PHACTR1: variants seen among roughly 807,000 people sequenced by gnomAD.
PHACTR1 encodes phosphatase and actin regulator 1.
In PHACTR1, 16 loss-of-function variants were observed where a neutral mutation model predicts 69.2. The ratio of observed to expected loss-of-function variants is 0.23; its 90% confidence interval spans 0.16 to 0.35. The LOEUF (loss-of-function observed/expected upper bound fraction) is 0.35, where lower values mean the gene tolerates loss of function less well. Among genes scored for constraint, PHACTR1 ranks in the 10% least tolerant of loss-of-function variants. The pLI is 1.00. For missense variants in PHACTR1, 510 were observed against 734.7 expected, an observed-to-expected ratio of 0.69 and a Z score of 3.54; for synonymous variants, 312 against 284.5, an observed-to-expected ratio of 1.10 and a Z score of -0.97.
chr6:12,899,620 T>C (rs770360252), intron 4 of PHACTR1, among the ~76,000 whole-genome samples: 3 of 152,216 alleles, frequency 2.0e-5, no homozygotes, highest in Non-Finnish European at 4.4e-5. Flanking sequence ...ACTGTGTGTT[T>C]GCCTGCACCC....
intron 4 of PHACTR1, among the ~76,000 whole-genome samples, chr6:12,961,187 G>T (rs1792673233): frequency 6.6e-6 from 1 of 152,008 alleles, no homozygotes; most frequent in Non-Finnish European, 1.5e-5. Flanking sequence ...AATAGTGTAG[G>T]GTGTCTTCTA....
At chr6:13,024,639 T>G (rs1801437111) in intron 4 of PHACTR1, among the ~76,000 whole-genome samples, 1 of 152,210 alleles carries the variant, frequency 6.6e-6, no homozygotes, top group Non-Finnish European at 1.5e-5. Flanking sequence ...AATGTGCTCA[T>G]ATCCAGAACA....
intron 3 of PHACTR1, among the ~76,000 whole-genome samples, chr6:12,747,483 C>T (rs954115775): frequency 5.3e-5 from 8 of 151,910 alleles, no homozygotes; most frequent in African/African-American, 1.9e-4. Context: ...GGACAACATA[C>T]TGAGACCGCA....
At chr6:13,123,045 G>A (rs183005686) in intron 5 of PHACTR1, among the ~76,000 whole-genome samples, 5 of 152,292 alleles carry the variant, frequency 3.3e-5, no homozygotes, top group African/African-American at 4.8e-5. Context: ...AATCAAGAAC[G>A]TAGCAAATTT....
intron 4 of PHACTR1, among the ~76,000 whole-genome samples, chr6:12,993,447 T>G (rs1348746177): frequency 4.6e-5 from 7 of 152,170 alleles, no homozygotes; most frequent in Non-Finnish European, 1.0e-4. Flanking sequence ...CTGAACTGAC[T>G]TTACTGTGGG....
intron 4 of PHACTR1, among the ~76,000 whole-genome samples, chr6:12,868,371 T>C (rs1781681169): frequency 6.6e-6 from 1 of 152,174 alleles, no homozygotes; most frequent in African/African-American, 2.4e-5. Context: ...TTTTTTCTTG[T>C]TGTTCATGAT....
At chr6:12,787,285 T>G (rs1323241213) in intron 4 of PHACTR1, among the ~76,000 whole-genome samples, 1 of 152,184 alleles carries the variant, frequency 6.6e-6, no homozygotes, top group Non-Finnish European at 1.5e-5. Flanking sequence ...TAGAGCCAAG[T>G]AGGTATGAGA....
chr6:12,876,861 T>G (rs1396743896), intron 4 of PHACTR1, among the ~76,000 whole-genome samples: 1 of 152,198 alleles, frequency 6.6e-6, no homozygotes, highest in Non-Finnish European at 1.5e-5. Flanking sequence ...GCTGGTGGCG[T>G]AATTCAGTCT....
chr6:13,253,222 A>G (rs1774734841), intron 10 of PHACTR1, among the ~76,000 whole-genome samples: 2 of 152,320 alleles, frequency 1.3e-5, no homozygotes, highest in African/African-American at 4.8e-5. Flanking sequence ...CATGTTCTGT[A>G]GCTCCTAGGA....
chr6:13,110,516 G>A (rs565245188), intron 5 of PHACTR1, among the ~76,000 whole-genome samples: 16 of 152,292 alleles, frequency 1.1e-4, no homozygotes, highest in Admixed American at 2.6e-4. Context: ...AGCTAAAAAC[G>A]CAGGAGGATT....
chr6:13,225,036 A>G (rs1040746010), intron 8 of PHACTR1, among the ~76,000 whole-genome samples: 14 of 152,148 alleles, frequency 9.2e-5, no homozygotes, highest in Non-Finnish European at 1.8e-4. Context: ...GGACTCCCCA[A>G]ACTGAGGCCA....
intron 4 of PHACTR1, among the ~76,000 whole-genome samples, chr6:13,047,898 C>T (rs1805332956): frequency 6.6e-6 from 1 of 152,074 alleles, no homozygotes; most frequent in Non-Finnish European, 1.5e-5. Flanking sequence ...CGGCCCAGCT[C>T]CTCCCGCTGC....
intron 6 of PHACTR1, among the ~76,000 whole-genome samples, chr6:13,166,019 G>A (rs959138746): frequency 1.3e-5 from 2 of 152,082 alleles, no homozygotes; most frequent in South Asian, 2.1e-4. Flanking sequence ...CCTAACTTTC[G>A]TTTTCACTCT....
chr6:13,145,757 GC>G (rs1207399154), intron 5 of PHACTR1, among the ~76,000 whole-genome samples: 1 of 152,190 alleles, frequency 6.6e-6, no homozygotes, highest in African/African-American at 2.4e-5. Context: ...CAGGAAGTGA[GC>G]CCTCATCAGA....
chr6:12,737,455 G>A (rs1764426166), intron 3 of PHACTR1, among the ~76,000 whole-genome samples: 1 of 151,656 alleles, frequency 6.6e-6, no homozygotes, highest in Non-Finnish European at 1.5e-5. Context: ...AGATGAGGGA[G>A]GAAATATATA....
chr6:13,159,037 G>A (rs577635787), intron 5 of PHACTR1, among the ~76,000 whole-genome samples: 13 of 152,192 alleles, frequency 8.5e-5, no homozygotes, highest in Non-Finnish European at 1.9e-4. Context: ...ACGTTCGCCT[G>A]TGTCCCTCCT....
At chr6:12,784,213 T>A (rs920124495) in intron 4 of PHACTR1, among the ~76,000 whole-genome samples, 1 of 151,922 alleles carries the variant, frequency 6.6e-6, no homozygotes, top group African/African-American at 2.4e-5. Context: ...TATACACACA[T>A]ATACATGATG....
intron 4 of PHACTR1, among the ~76,000 whole-genome samples, chr6:12,768,087 T>A (rs1768874485): frequency 6.6e-6 from 1 of 150,766 alleles, no homozygotes. Flanking sequence ...ATGGGGACAA[T>A]CTCTTAGAAC....
chr6:12,788,502 G>A lies in PHACTR1; in HGVS notation c.250+38712G>A, dbSNP rs145637917. On this transcript the variant is annotated intron_variant, in intron 4 of 14. Transcript: ENST00000332995. Reference sequence around the variant, plus strand: ...CAGGACACTGAGAATATATTGGGCTGTAAAATTTTATTTCACCTTGATTCA... The same window carrying A: ...CAGGACACTGAGAATATATTGGGCTATAAAATTTTATTTCACCTTGATTCA... 2.0e-4 allele frequency among the ~76,000 whole-genome samples: 30 copies of A among 152,298 alleles called. No individual in the cohort carries two copies. In the East Asian group the frequency reaches 5.2e-3, roughly 26 times the overall value.
Sources: allele counts gnomAD v4.1 joint callset (sites outside exome capture counted in the v4.1 genomes callset), GRCh38; gene constraint gnomAD v4.1.1; transcripts MANE v1.5; gene names NCBI Gene and HGNC (gene_info 2026-07-23, HGNC 2026-07-21).